Variants in ELP4 observed in about 807,000 individuals in gnomAD.
The protein encoded by ELP4 is elongator complex protein 4.
In ELP4, 51 loss-of-function variants were observed where a neutral mutation model predicts 48.9. The ratio of observed to expected loss-of-function variants is 1.04; its 90% confidence interval spans 0.83 to 1.32. The LOEUF is 1.32. Ranked by LOEUF, ELP4 falls within the 40% of genes most tolerant of loss-of-function variation. The probability of loss-of-function intolerance (pLI) is 0.00; values close to 1 mark genes in which losing one functional copy is unlikely to be tolerated. For missense variants in ELP4, 519 were observed against 514.6 expected (o/e 1.01, Z -0.08); for synonymous variants, 210 against 189.2 (o/e 1.11, Z -0.90).
intron 3 of ELP4, among the ~76,000 whole-genome samples, chr11:31,565,321 G>T (rs1957091877): frequency 6.6e-6 from 1 of 151,984 alleles, no homozygotes; most frequent in Non-Finnish European, 1.5e-5. Context: ...CATTCTGTAG[G>T]TGGCCTGTTC....
intron 9 of ELP4, among the ~76,000 whole-genome samples, chr11:31,778,307 G>A (rs1334318780): frequency 6.6e-6 from 1 of 151,996 alleles, no homozygotes; most frequent in Non-Finnish European, 1.5e-5. Flanking sequence ...TCAGAAGCAG[G>A]GACTGCAGTT....
chr11:31,515,540 C>G (rs1038677569), intron 1 of ELP4, among the ~76,000 whole-genome samples: 2 of 152,054 alleles, frequency 1.3e-5, no homozygotes, highest in Non-Finnish European at 2.9e-5. Context: ...TTACATGTTC[C>G]TATAATCCCA....
chr11:31,612,569 T>TG (rs1958001983), intron 5 of ELP4, among the ~76,000 whole-genome samples: 1 of 152,082 alleles, frequency 6.6e-6, no homozygotes, highest in Admixed American at 6.6e-5. Flanking sequence ...ATCATGAACT[T>TG]TAGGCTGAAG....
chr11:31,603,735 G>C, intron 4 of ELP4, 33 bp from the exon 5 acceptor site: 1 of 1,580,468 alleles, frequency 6.3e-7, no homozygotes, highest in South Asian at 1.2e-5. Context: ...AAAAATAATT[G>C]TTTAACAACC....
chr11:31,703,775 A>T (rs764478686), intron 9 of ELP4, among the ~76,000 whole-genome samples: 15 of 152,226 alleles, frequency 9.9e-5, no homozygotes, highest in Non-Finnish European at 2.1e-4. Context: ...TGATTGAAAA[A>T]TAAGAATTAG....
At chr11:31,729,705 C>G (rs1351703255) in intron 9 of ELP4, among the ~76,000 whole-genome samples, 1 of 152,148 alleles carries the variant, frequency 6.6e-6, no homozygotes, top group Non-Finnish European at 1.5e-5. Flanking sequence ...CAGCCATTTT[C>G]ATCAAACAAC....
At chr11:31,599,525 A>AC (rs1565073762) in intron 4 of ELP4, 1 of 4,678 alleles carries the variant, frequency 2.1e-4, no homozygotes, top group Non-Finnish European at 9.2e-4. Context: ...ACACACACAA[A>AC]AAAAAAAAAC....
intron 3 of ELP4, among the ~76,000 whole-genome samples, chr11:31,563,861 G>A (rs1432465222): frequency 1.3e-5 from 2 of 152,080 alleles, no homozygotes; most frequent in African/African-American, 4.8e-5. Context: ...CAACAATACA[G>A]TATGTTCTGT....
chr11:31,614,780 T>C (rs1958044658), intron 5 of ELP4, among the ~76,000 whole-genome samples: 1 of 152,038 alleles, frequency 6.6e-6, no homozygotes, highest in Non-Finnish European at 1.5e-5. Context: ...ATCACACAAA[T>C]CCAAATTGGA....
intron 9 of ELP4, among the ~76,000 whole-genome samples, chr11:31,690,143 G>C (rs149647828): frequency 7.0e-4 from 107 of 152,282 alleles, no homozygotes; most frequent in African/African-American, 2.1e-3. Flanking sequence ...GCTCAAGAGA[G>C]TGCTTATGCA....
intron 9 of ELP4, among the ~76,000 whole-genome samples, chr11:31,678,495 A>ATG (rs71060498): frequency 0.018 from 2,507 of 137,348 alleles, 64 homozygotes; most frequent in Admixed American, 0.061. Context: ...ACATATATGT[A>ATG]TGTGTGTGTG....
intron 3 of ELP4, among the ~76,000 whole-genome samples, chr11:31,575,420 A>T (rs948080066): frequency 6.6e-6 from 1 of 152,140 alleles, no homozygotes; most frequent in East Asian, 1.9e-4. Flanking sequence ...CCAACATTCA[A>T]ATTCAGGAAA....
Position 31,787,622 on chromosome 11 carries a change from G to A in ELP4, c.*4098G>A, listed in dbSNP as rs1181680780. On this transcript the variant is annotated 3_prime_UTR_variant, in exon 10 of 10. Coordinates refer to ENST00000640961, the MANE Select transcript of ELP4 (RefSeq NM_019040.5). ...CGGCAATTGTACCAACAGTGCGTAT[G>A]TGTGCTCACTCCCCTGCAGAAATGT... 4.3e-6 allele frequency: 1 copy of A among 232,174 alleles called. No individual in the cohort carries two copies. The highest frequency in any genetic ancestry group is 8.5e-6 in the Non-Finnish European group (1 of 117,430). The allele number at this position is 232,174 out of a possible 1,614,324, so 14.4% of individuals were successfully genotyped here.
chr11:31,783,373 C>T lies in ELP4; in HGVS notation c.1144-20C>T. On this transcript the variant is annotated intron_variant, in intron 9 of 9. Coordinates refer to ENST00000640961, the MANE Select transcript of ELP4 (RefSeq NM_019040.5). ...TTCTTCTTTCTTCTTTTTTTCTTCT[C>T]CTGAAATCTTCTGCCATAGCGACTG... The T allele has an allele frequency of 1.3e-6, 2 of 1,588,934 alleles. No homozygotes were observed. The highest frequency in any genetic ancestry group is 1.8e-5 in the Admixed American group (1 of 55,066).
intron 9 of ELP4, among the ~76,000 whole-genome samples, chr11:31,683,690 G>T (rs1372442787): frequency 6.6e-6 from 1 of 152,074 alleles, no homozygotes; most frequent in African/African-American, 2.4e-5. Context: ...TGTATAGGGG[G>T]TACTAGAGAT....
At chr11:31,621,165 C>T (rs1944612581) in intron 5 of ELP4, among the ~76,000 whole-genome samples, 1 of 151,844 alleles carries the variant, frequency 6.6e-6, no homozygotes, top group Non-Finnish European at 1.5e-5. Flanking sequence ...AAGGGTATCT[C>T]ACTATTTGTC....
chr11:31,700,170 C>T (rs1946491460), intron 9 of ELP4, among the ~76,000 whole-genome samples: 2 of 151,462 alleles, frequency 1.3e-5, no homozygotes, highest in African/African-American at 4.9e-5. Flanking sequence ...TTGGATACTT[C>T]AGAAAAGACT....
Position 31,640,309 on chromosome 11 carries a change from C to T in ELP4, c.928-7432C>T, listed in dbSNP as rs781133843. Among the ~76,000 whole-genome samples the T allele has an allele frequency of 1.8e-4, 28 of 151,784 alleles. 1 individual carries two copies. Among genetic ancestry groups the T allele is most frequent in the East Asian group, 9.7e-4 (5 of 5,140 alleles). Reference sequence around the variant, plus strand: ...GGCATTGTAAGATATCTGAAAAATACCTGTGAGAAAACATGAGTTTTGAAT... The same window carrying T: ...GGCATTGTAAGATATCTGAAAAATATCTGTGAGAAAACATGAGTTTTGAAT... On this transcript the variant is annotated intron_variant, in intron 7 of 9. Transcript: ENST00000640961.
intron 2 of ELP4, among the ~76,000 whole-genome samples, chr11:31,527,945 T>G (rs1013665241): frequency 6.6e-6 from 1 of 152,138 alleles, no homozygotes; most frequent in Non-Finnish European, 1.5e-5. Context: ...TTTATCATTC[T>G]GAGCTTTTAA....
Sources: gnomAD v4.1 joint callset for allele counts (sites outside exome capture counted in the v4.1 genomes callset) on GRCh38, gnomAD v4.1.1 for gene constraint, MANE v1.5 for transcripts, NCBI Gene and HGNC (gene_info 2026-07-23, HGNC 2026-07-21) for gene names.